ANXA6: variants seen among roughly 807,000 people sequenced by gnomAD.
ANXA6 encodes annexin A6.
ANXA6 carries 71 observed loss-of-function variants against 95.4 expected under a neutral mutation model. That is an observed-to-expected ratio of 0.74 (90% CI 0.61 to 0.91). The LOEUF (loss-of-function observed/expected upper bound fraction) is 0.91, where lower values mean the gene tolerates loss of function less well. Among genes scored for constraint, ANXA6 ranks in the 40% least tolerant of loss-of-function variants. The pLI is 0.00. For synonymous variants in ANXA6, 289 were observed against 315.9 expected, an observed-to-expected ratio of 0.91 and a Z score of 0.90; for missense variants, 830 against 876.4, an observed-to-expected ratio of 0.95 and a Z score of 0.67.
intron 3 of ANXA6, 45 bp downstream of exon 3, chr5:151,140,108 C>T: frequency 1.9e-6 from 3 of 1,585,682 alleles, no homozygotes; most frequent in Non-Finnish European, 2.6e-6. Flanking sequence ...GCTGTGTCTA[C>T]TTTTGGGGGA....
chr5:151,104,847 C>T (rs966284500), intron 24 of ANXA6, among the ~76,000 whole-genome samples: 1 of 152,232 alleles, frequency 6.6e-6, no homozygotes, highest in Non-Finnish European at 1.5e-5. Context: ...AGACTGTGTC[C>T]TACCCAGCCC....
rs374748561 is a variant in ANXA6, at chr5:151,138,705, A to G, written c.291T>C (p.Asp97=). The G allele has an allele frequency of 1.2e-6, 2 of 1,613,770 alleles. No individual in the cohort carries two copies. Among genetic ancestry groups the G allele is most frequent in the African/African-American group, 1.3e-5 (1 of 74,908 alleles). The change falls in exon 5 of 26, where the codon GAT becomes GAC. Residue 97 remains aspartate (D), a synonymous_variant. Transcript: ENST00000354546. ...VGLMRPPAYC[D]AKEIKDAISG... ...AGATGGCATCTTTAATTTCTTTGGCATCACAATAGGCAGGTGGCCTCATCA... is the reference window on the plus strand; with the variant it reads ...AGATGGCATCTTTAATTTCTTTGGCGTCACAATAGGCAGGTGGCCTCATCA...
At chr5:151,114,227 T>C (rs1405555230) in intron 20 of ANXA6, among the ~76,000 whole-genome samples, 1 of 152,088 alleles carries the variant, frequency 6.6e-6, no homozygotes, top group Non-Finnish European at 1.5e-5. Context: ...TTGCATTAAG[T>C]CTGTGAAGAT....
chr5:151,119,454 G>A (rs1765100608), intron 17 of ANXA6, 64 bp from the exon 18 acceptor site: 2 of 1,396,370 alleles, frequency 1.4e-6, no homozygotes, highest in South Asian at 1.2e-5. Flanking sequence ...AGGTCCATGG[G>A]GCCCGGACGG....
rs764691472 is a variant in ANXA6 at position 151,101,149 on chromosome 5, C to T, written c.*299G>A. 1 of 564,378 alleles carries T rather than the reference C, an allele frequency of 1.8e-6. No individual in the cohort carries two copies. Among genetic ancestry groups the T allele is most frequent in the Non-Finnish European group, 3.3e-6 (1 of 306,272 alleles). 35.0% of individuals were successfully genotyped at this position (564,378 alleles called of 1,614,324 possible). A position where few individuals can be genotyped will look rare whatever the true frequency, so the allele number is the denominator to read the frequency against. ...GGATGTTTTTGGATCTGACATAGCC[C>T]AAACCAGGGCAGAGGCTGTAGCAAG... On this transcript the variant is annotated 3_prime_UTR_variant, in exon 26 of 26. Transcript: ENST00000354546.
intron 2 of ANXA6, chr5:151,141,778 C>G (rs548801134): frequency 1.1e-6 from 1 of 924,776 alleles, no homozygotes; most frequent in South Asian, 5.0e-5. Flanking sequence ...AACCTGATCA[C>G]GCCCCTGGGC....
At chr5:151,107,843 G>A (rs1331343514) in intron 23 of ANXA6, among the ~76,000 whole-genome samples, 5 of 152,152 alleles carry the variant, frequency 3.3e-5, no homozygotes, top group Non-Finnish European at 5.9e-5. Context: ...GAGAGGAGAC[G>A]AGGGTCTGTG....
intron 20 of ANXA6, among the ~76,000 whole-genome samples, chr5:151,113,605 T>G (rs769039752): frequency 1.3e-5 from 2 of 152,008 alleles, no homozygotes; most frequent in Non-Finnish European, 2.9e-5. Context: ...CATACTCGGT[T>G]TTTCAAAGCA....
chr5:151,112,847 C>A (rs1764889551), intron 20 of ANXA6, among the ~76,000 whole-genome samples: 1 of 152,074 alleles, frequency 6.6e-6, no homozygotes, highest in African/African-American at 2.4e-5. Context: ...CTAGTTGAAC[C>A]CTGAGGACAT....
intron 2 of ANXA6, among the ~76,000 whole-genome samples, chr5:151,145,917 G>T (rs1020397744): frequency 6.6e-6 from 1 of 152,088 alleles, no homozygotes; most frequent in African/African-American, 2.4e-5. Context: ...CCTCCCCTGA[G>T]TAGCTCTCCC....
intron 23 of ANXA6, 51 bp from the exon 24 acceptor site, chr5:151,105,354 C>A: frequency 6.4e-7 from 1 of 1,557,348 alleles, no homozygotes; most frequent in Non-Finnish European, 8.9e-7. Context: ...GGCTGTGAAC[C>A]CAGACTCTGG....
chr5:151,131,417 T>C, intron 10 of ANXA6, 128 bp from the exon 11 acceptor site: 1 of 943,490 alleles, frequency 1.1e-6, no homozygotes, highest in Non-Finnish European at 1.7e-6. Context: ...CCACCGTTCC[T>C]GATAGCTCAC....
intron 5 of ANXA6, among the ~76,000 whole-genome samples, chr5:151,137,763 C>G (rs1271430007): frequency 6.6e-6 from 1 of 152,172 alleles, no homozygotes; most frequent in Non-Finnish European, 1.5e-5. Context: ...CTGGAAGCTT[C>G]TTGAGGCCTC....
At chr5:151,117,041 A>T in intron 20 of ANXA6, 86 bp downstream of exon 20, 1 of 1,298,814 alleles carries the variant, frequency 7.7e-7, no homozygotes, top group South Asian at 1.6e-5. Context: ...TCACTCACAG[A>T]CAGGGCCCGG....
At chr5:151,116,288 C>G (rs1764994935) in intron 20 of ANXA6, among the ~76,000 whole-genome samples, 1 of 152,114 alleles carries the variant, frequency 6.6e-6, no homozygotes, top group Non-Finnish European at 1.5e-5. Context: ...GTGTCTGTGC[C>G]CCACATCCCT....
chr5:151,122,253 A>C lies in ANXA6; in HGVS notation c.1241T>G (p.Met414Arg). Reference sequence around the variant, plus strand: ...AGAGATCTCAGACTTCAGGTCAGTCATTAAGTCCTGCAAAGGGCAGAGCCA... The same window carrying C: ...AGAGATCTCAGACTTCAGGTCAGTCCTTAAGTCCTGCAAAGGGCAGAGCCA... ...TFKSHFGRDL[M>R]TDLKSEISGD... Residue 414 changes from methionine (M) to arginine (R), a missense_variant, in exon 17 of 26, where the codon ATG (methionine) becomes AGG (arginine). Transcript: ENST00000354546. 6.2e-7 allele frequency: 1 copy of C among 1,602,614 alleles called. No individual in the cohort carries two copies. Among genetic ancestry groups the C allele is most frequent in the Non-Finnish European group, 8.5e-7 (1 of 1,174,352 alleles).
chr5:151,124,365 C>T lies in ANXA6; in HGVS notation c.1059G>A (p.Leu353=), dbSNP rs763344616. The T allele has an allele frequency of 1.9e-6, 3 of 1,610,044 alleles. No homozygotes were observed. The Admixed American group carries it at 5.0e-5, about 27-fold the overall frequency. Residue 353 remains leucine (L), a splice_region_variant and synonymous_variant, in exon 15 of 26, where the codon CTG becomes CTA. Transcript: ENST00000354546. The part of the protein sequence containing the change: ...WELSAVARVE[L]KGTVRPANDF... The stretch of plus-strand genomic sequence containing the variant: ...CATTGGCTGGGCGCACAGTTCCCTT[C>T]AGCTGTGAGAAGCAGAAAGAGACTC...
chr5:151,141,848 A>G (rs2346025), intron 2 of ANXA6: 91,030 of 376,202 alleles, frequency 0.24, 12,607 homozygotes, highest in East Asian at 0.63. Context: ...CAAGGAGCTC[A>G]GTGAGCGCAG....
chr5:151,128,320 T>C, intron 12 of ANXA6, 81 bp from the exon 13 acceptor site: 3 of 1,218,114 alleles, frequency 2.5e-6, no homozygotes, highest in South Asian at 1.3e-5. Flanking sequence ...CTGCACAGCC[T>C]GAAAGAGGGG....
Sources: gnomAD v4.1 joint callset for allele counts (sites outside exome capture counted in the v4.1 genomes callset) on GRCh38, gnomAD v4.1.1 for gene constraint, MANE v1.5 for transcripts, NCBI Gene and HGNC (gene_info 2026-07-23, HGNC 2026-07-21) for gene names.